Variants in GNB1 observed in about 807,000 individuals in gnomAD.
GNB1 encodes the protein guanine nucleotide-binding protein G(I)/G(S)/G(T) subunit beta-1.
A neutral mutation model predicts 42.9 loss-of-function variants in GNB1; 2 were observed. That is an observed-to-expected ratio of 0.05 (90% CI 0.02 to 0.15). The LOEUF is 0.15. Ranked by LOEUF, GNB1 falls within the 10% of genes least tolerant of loss-of-function variation. GNB1 has a pLI of 1.00. For missense variants in GNB1, 193 were observed against 462.2 expected (o/e 0.42, Z 5.34); for synonymous variants, 183 against 174.7 (o/e 1.05, Z -0.38).
intron 2 of GNB1, 22 bp from the exon 3 acceptor site, chr1:1,825,521 A>C: frequency 8.9e-7 from 1 of 1,121,556 alleles, no homozygotes; most frequent in East Asian, 2.3e-5. Flanking sequence ...AGACAAGCAC[A>C]ATCAATAAAC....
chr1:1,807,236 T>G (rs997407297), intron 5 of GNB1, among the ~76,000 whole-genome samples: 4 of 151,808 alleles, frequency 2.6e-5, no homozygotes, highest in African/African-American at 9.7e-5. Context: ...CCAAGGTAGG[T>G]GGATCACAGG....
intron 7 of GNB1, among the ~76,000 whole-genome samples, chr1:1,803,480 C>A (rs142062691): frequency 4.7e-4 from 71 of 152,294 alleles, no homozygotes; most frequent in African/African-American, 1.7e-3. Context: ...AGGGGTCTAG[C>A]TTTGTTGCCC....
At chr1:1,841,771 G>A (rs1647251060) in intron 1 of GNB1, among the ~76,000 whole-genome samples, 1 of 152,202 alleles carries the variant, frequency 6.6e-6, no homozygotes, top group African/African-American at 2.4e-5. Context: ...AAAAATGAGT[G>A]TGGAAGGAAA....
At chr1:1,838,657 G>T (rs929851048) in intron 2 of GNB1, among the ~76,000 whole-genome samples, 5 of 151,150 alleles carry the variant, frequency 3.3e-5, no homozygotes, top group Admixed American at 2.6e-4. Context: ...TGTTAGCCAG[G>T]ATGGTCTCGA....
At chr1:1,810,280 T>A (rs1412782925) in intron 5 of GNB1, among the ~76,000 whole-genome samples, 1 of 151,558 alleles carries the variant, frequency 6.6e-6, no homozygotes, top group Non-Finnish European at 1.5e-5. Flanking sequence ...TTAGCCAGGA[T>A]GGTCTCGATC....
At chr1:1,805,573 T>G (rs1553194288) in intron 6 of GNB1, among the ~76,000 whole-genome samples, 1 of 152,044 alleles carries the variant, frequency 6.6e-6, no homozygotes, top group Non-Finnish European at 1.5e-5. Context: ...GGAGTTTCGC[T>G]CTTGTTGCCC....
intron 10 of GNB1, 36 bp downstream of exon 10, chr1:1,789,017 G>T: frequency 1.4e-6 from 2 of 1,419,210 alleles, no homozygotes; most frequent in Non-Finnish European, 2.0e-6. Flanking sequence ...CCACGTAAAT[G>T]TCCACAAGAC....
intron 1 of GNB1, among the ~76,000 whole-genome samples, chr1:1,852,378 G>C (rs1046538579): frequency 6.6e-6 from 1 of 151,906 alleles, no homozygotes; most frequent in South Asian, 2.1e-4. Flanking sequence ...ATAGACGCCC[G>C]CCACCACGCC....
intron 1 of GNB1, among the ~76,000 whole-genome samples, chr1:1,885,455 TA>T (rs1650094900): frequency 6.6e-6 from 1 of 151,400 alleles, no homozygotes; most frequent in Non-Finnish European, 1.5e-5. Flanking sequence ...TAGATAATCT[TA>T]ATCTGGTCTT....
intron 3 of GNB1, among the ~76,000 whole-genome samples, chr1:1,818,645 C>G (rs1446029898): frequency 2.0e-5 from 3 of 151,968 alleles, no homozygotes; most frequent in South Asian, 4.2e-4. Context: ...GGTGGATCAC[C>G]TGAGGTCAGG....
At position 1,826,260 on chromosome 1, in the gene GNB1, T is replaced by C. The variant is rs538366499; in HGVS notation, c.-46-761A>G. On this transcript the variant is annotated intron_variant, in intron 2 of 11. Coordinates refer to ENST00000378609, the MANE Select transcript of GNB1 (RefSeq NM_002074.5). ...GGTGAAACCCGATCTCTACTAAAAA[T>C]ACAAAAATTAGCTGGGCATGGTGGC... is the stretch of plus-strand genomic sequence containing the variant. 4.6e-5 allele frequency among the ~76,000 whole-genome samples: 7 copies of C among 151,514 alleles called. No individual in the cohort carries two copies. The South Asian group carries it at 1.5e-3, about 32-fold the overall frequency.
chr1:1,870,147 C>G (rs1649169478), intron 1 of GNB1, among the ~76,000 whole-genome samples: 1 of 152,150 alleles, frequency 6.6e-6, no homozygotes, highest in Non-Finnish European at 1.5e-5. Flanking sequence ...AGGCGTGAGC[C>G]ACCGCACCAG....
At chr1:1,819,242 CAG>C (rs1196596187) in intron 3 of GNB1, among the ~76,000 whole-genome samples, 1 of 150,380 alleles carries the variant, frequency 6.6e-6, no homozygotes, top group Non-Finnish European at 1.5e-5. Context: ...TTTTTTGAGA[CAG>C]AGTCTCGCTC....
chr1:1,876,076 G>A (rs1410166075), intron 1 of GNB1, among the ~76,000 whole-genome samples: 1 of 152,184 alleles, frequency 6.6e-6, no homozygotes, highest in Admixed American at 6.5e-5. Context: ...CCAGAAAGAA[G>A]AAAGGAAGTG....
chr1:1,809,132 T>C (rs992580152), intron 5 of GNB1, among the ~76,000 whole-genome samples: 12 of 152,046 alleles, frequency 7.9e-5, no homozygotes, highest in Non-Finnish European at 1.6e-4. Context: ...TATTACAAAA[T>C]TTATCACAGA....
chr1:1,885,942 T>C (rs1451273637), intron 1 of GNB1, among the ~76,000 whole-genome samples: 1 of 147,078 alleles, frequency 6.8e-6, no homozygotes, highest in Non-Finnish European at 1.5e-5. Context: ...AAGCCAGGAG[T>C]AATTTCCACT....
chr1:1,851,999 C>T lies in GNB1; in HGVS notation c.-95-12761G>A, dbSNP rs61774994. On this transcript the variant is annotated intron_variant, in intron 1 of 11. Transcript: ENST00000378609. ...CAGAGATTGCGGTGAGCCAAGATAG[C>T]GCCATTGCACTCCAGCCTGGGCAAC... is the stretch of plus-strand genomic sequence containing the variant. Among the ~76,000 whole-genome samples, 8 of 150,886 alleles carry T rather than the reference C, an allele frequency of 5.3e-5. No homozygotes were observed. In the East Asian group the frequency reaches 1.4e-3, roughly 26 times the overall value.
At position 1,833,466 on chromosome 1, in the gene GNB1, C is replaced by A. The variant is rs951175985; in HGVS notation, c.-47+5724G>T. Among the ~76,000 whole-genome samples, 6 of 152,244 alleles carry A rather than the reference C, an allele frequency of 3.9e-5. No individual in the cohort carries two copies. The South Asian group carries it at 8.3e-4, about 21-fold the overall frequency. On this transcript the variant is annotated intron_variant, in intron 2 of 11. Coordinates refer to ENST00000378609, the MANE Select transcript of GNB1 (RefSeq NM_002074.5). ...AGGAATAAGGGGAGCAGGGGACCAC[C>A]GCAACTGATAAAGGACACGACCACT...
chr1:1,864,321 AAAAAAAAAAAAAAAAG>A (rs1648795759), intron 1 of GNB1, among the ~76,000 whole-genome samples: 2 of 148,184 alleles, frequency 1.3e-5, no homozygotes, highest in East Asian at 2.0e-4. Flanking sequence ...TCTCAAAAAA[AAAAAAAAAAAAAAAAG>A]AAGAAAACCC....
Sources: allele counts gnomAD v4.1 joint callset (sites outside exome capture counted in the v4.1 genomes callset), GRCh38; gene constraint gnomAD v4.1.1; transcripts MANE v1.5; gene names NCBI Gene and HGNC (gene_info 2026-07-23, HGNC 2026-07-21).